The following C1orf94 variants were observed in gnomAD, a reference collection of about 807,000 sequenced individuals.
C1orf94 encodes uncharacterized protein C1orf94.
A neutral mutation model predicts 53.6 loss-of-function variants in C1orf94; 45 were observed. The ratio of observed to expected loss-of-function variants is 0.84; its 90% CI spans 0.66 to 1.08. C1orf94 has a LOEUF of 1.08. Ranked by LOEUF, C1orf94 falls within the 50% of genes least tolerant of loss-of-function variation. The pLI is 0.00. For synonymous variants in C1orf94, 304 were observed against 296.1 expected, an observed-to-expected ratio of 1.03 and a Z score of -0.27; for missense variants, 762 against 738.9, an observed-to-expected ratio of 1.03 and a Z score of -0.36.
chr1:34,214,827 G>A (rs1642956033), intron 6 of C1orf94, among the ~76,000 whole-genome samples: 1 of 152,180 alleles, frequency 6.6e-6, no homozygotes, highest in Non-Finnish European at 1.5e-5. Flanking sequence ...AGGAGGGTGA[G>A]GAGAAGGAGC....
At chr1:34,191,037 C>G (rs1198648880) in intron 1 of C1orf94, among the ~76,000 whole-genome samples, 2 of 152,196 alleles carry the variant, frequency 1.3e-5, no homozygotes, top group Non-Finnish European at 2.9e-5. Context: ...TGGAGTTTTC[C>G]TCTGTGTGAC....
At chr1:34,167,633 AGCGAGGCTGTGCTCT>A (rs1473648653) in intron 1 of C1orf94, among the ~76,000 whole-genome samples, 6 of 43,558 alleles carry the variant, frequency 1.4e-4, no homozygotes, top group Non-Finnish European at 3.3e-4. Context: ...GGGGGCCCTG[AGCGAGGCTGTGCTCT>A]GGGCCCTGCA....
chr1:34,203,523 G>T (rs1357104012), intron 4 of C1orf94, among the ~76,000 whole-genome samples: 1 of 152,184 alleles, frequency 6.6e-6, no homozygotes, highest in Non-Finnish European at 1.5e-5. Flanking sequence ...CACAGGGCAG[G>T]GGAGGGAGGG....
At position 34,197,480 on chromosome 1, in the gene C1orf94, C is replaced by G. The variant is rs371920776; in HGVS notation, c.576C>G (p.Pro192=). The change falls in exon 2 of 7, where the codon CCC becomes CCG. Residue 192 remains proline, a synonymous_variant. Coordinates refer to ENST00000488417, the MANE Select transcript of C1orf94 (RefSeq NM_001134734.2). This position sits in a 1 kb window ranked among gnomAD's most constrained non-coding sequence, Gnocchi z 4.1. ...TTCTGAAGCAGAAGGTGGCCATGCC[C>G]GTTATCAGCAGCAGGCAGGACTGTG... ...DKLLKQKVAM[P]VISSRQDCDS... 2.9e-5 allele frequency: 47 copies of G among 1,613,966 alleles called. No homozygotes were observed. The African/African-American group carries it at 3.3e-4, about 11-fold the overall frequency.
At chr1:34,200,668 GGT>G in intron 2 of C1orf94, 102 bp from the exon 3 acceptor site, 2 of 1,492,830 alleles carry the variant, frequency 1.3e-6, no homozygotes. Flanking sequence ...CCAAGCCTCA[GGT>G]GTGTGCTGCA....
At chr1:34,168,863 G>A (rs1477119053) in intron 1 of C1orf94, among the ~76,000 whole-genome samples, 3 of 152,158 alleles carry the variant, frequency 2.0e-5, no homozygotes, top group Non-Finnish European at 4.4e-5. Context: ...GAAGTACTAG[G>A]GGTTCGGACT....
At chr1:34,181,254 T>A (rs1430311986) in intron 1 of C1orf94, among the ~76,000 whole-genome samples, 2 of 152,234 alleles carry the variant, frequency 1.3e-5, no homozygotes, top group African/African-American at 2.4e-5. Flanking sequence ...ACCTCTGGTT[T>A]TCTAAGTTTC....
In C1orf94 at chr1:34,177,717, C is replaced by A; in HGVS notation, c.-73C>A. 7.1e-7 allele frequency: 1 copy of A among 1,400,888 alleles called. No homozygotes were observed. Among genetic ancestry groups the A allele is most frequent in the Non-Finnish European group, 9.5e-7 (1 of 1,050,506 alleles). The allele number at this position is 1,400,888 out of a possible 1,614,324, so 86.8% of individuals were successfully genotyped here. ...AATAGAAGGCCTCTGAACCTAACCA[C>A]CTTGCTGGAGCGAAAGCCAGACAGA... On this transcript the variant is annotated 5_prime_UTR_variant, in exon 1 of 7. Coordinates refer to ENST00000488417, the MANE Select transcript of C1orf94 (RefSeq NM_001134734.2).
intron 2 of C1orf94, among the ~76,000 whole-genome samples, chr1:34,199,166 T>C (rs942305770): frequency 3.9e-5 from 6 of 152,240 alleles, no homozygotes; most frequent in African/African-American, 9.6e-5. Flanking sequence ...ATGTATGTAC[T>C]TGTGTATGTG....
At chr1:34,190,247 C>T (rs1011211728) in intron 1 of C1orf94, among the ~76,000 whole-genome samples, 5 of 152,178 alleles carry the variant, frequency 3.3e-5, no homozygotes, top group African/African-American at 1.2e-4. Context: ...TCTAGATTAT[C>T]CTGGGAGAAA....
At chr1:34,190,052 C>G (rs1056189264) in intron 1 of C1orf94, among the ~76,000 whole-genome samples, 1 of 152,176 alleles carries the variant, frequency 6.6e-6, no homozygotes, top group Non-Finnish European at 1.5e-5. Context: ...AACACTTATT[C>G]TCTAGGGTCA....
chr1:34,177,824 G>GTGGA lies in C1orf94; in HGVS notation c.36_39dup (p.Gln14TrpfsTer56), dbSNP rs1415323872. 1 of 1,548,866 alleles carries GTGGA rather than the reference G, an allele frequency of 6.5e-7. No homozygotes were observed. The highest frequency in any genetic ancestry group is 8.7e-7 in the Non-Finnish European group (1 of 1,145,026). On this transcript the variant is annotated frameshift_variant, in exon 1 of 7. Coordinates refer to ENST00000488417, the MANE Select transcript of C1orf94 (RefSeq NM_001134734.2). LOFTEE classifies it high-confidence loss of function. ...GGTGGTGGTTGTGTTCTAGCCCTGG[G>GTGGA]TGGACAGAGGGGCTTCCAGAAAGAG...
At position 34,214,752 on chromosome 1, in the gene C1orf94, C is replaced by A. The variant is rs191812948; in HGVS notation, c.1721+2346C>A. Among the ~76,000 whole-genome samples, 10 of 152,048 alleles carry A rather than the reference C, an allele frequency of 6.6e-5. No homozygotes were observed. In the East Asian group the frequency reaches 1.6e-3, roughly 24 times the overall value. ...AGGTCGGAGGAGTGGGTAGGCAGCC[C>A]GAGGAAGGAGCAGCCTGAGAAGTGA... On this transcript the variant is annotated intron_variant, in intron 6 of 6. Coordinates refer to ENST00000488417, the MANE Select transcript of C1orf94 (RefSeq NM_001134734.2).
intron 3 of C1orf94, 100 bp downstream of exon 3, chr1:34,201,132 T>G (rs1338622941): frequency 1.4e-6 from 2 of 1,465,714 alleles, no homozygotes; most frequent in African/African-American, 2.8e-5. Flanking sequence ...TCTTATCTAC[T>G]GCCTTTCTAG....
exon 1 of C1orf94, chr1:34,167,058 G>C (rs3806245): frequency 6.6e-6 from 1 of 152,144 alleles, no homozygotes; most frequent in Non-Finnish European, 1.5e-5. Context: ...TTATGTTCCC[G>C]GGGCAGTGAG....
intron 1 of C1orf94, among the ~76,000 whole-genome samples, chr1:34,192,255 T>G (rs1642506742): frequency 6.6e-6 from 1 of 152,216 alleles, no homozygotes; most frequent in African/African-American, 2.4e-5. Flanking sequence ...AATCTTTCTG[T>G]GAGCCCCAAG....
chr1:34,191,894 T>A (rs558336384), intron 1 of C1orf94, among the ~76,000 whole-genome samples: 1 of 152,274 alleles, frequency 6.6e-6, no homozygotes, highest in African/African-American at 2.4e-5. Context: ...TGACTCTGTA[T>A]ACCACAAATG....
At chr1:34,205,065 G>T (rs1030528328) in intron 4 of C1orf94, among the ~76,000 whole-genome samples, 1 of 152,216 alleles carries the variant, frequency 6.6e-6, no homozygotes, top group African/African-American at 2.4e-5. Context: ...ATTAAGTGGG[G>T]ATAGCATCTC....
chr1:34,199,918 T>C (rs1423987064), intron 2 of C1orf94, among the ~76,000 whole-genome samples: 1 of 152,172 alleles, frequency 6.6e-6, no homozygotes, highest in African/African-American at 2.4e-5. Flanking sequence ...CAACCCTACT[T>C]CCTTCTGGAA....
Sources: allele counts gnomAD v4.1 joint callset (sites outside exome capture counted in the v4.1 genomes callset), GRCh38; gene constraint gnomAD v4.1.1; non-coding constraint Gnocchi (gnomAD v3.1); transcripts MANE v1.5; gene names NCBI Gene and HGNC (gene_info 2026-07-23, HGNC 2026-07-21).